ELP4: variants seen among roughly 807,000 people sequenced by gnomAD.
The protein encoded by ELP4 is elongator acetyltransferase complex subunit 4, also known as elongator complex protein 4.
ELP4 carries 51 observed loss-of-function variants against 48.9 expected under a neutral mutation model. The ratio of observed to expected loss-of-function variants is 1.04; its 90% CI spans 0.83 to 1.32. ELP4 has a LOEUF of 1.32. ELP4 is among the 40% of genes most tolerant of loss of function. The pLI is 0.00. For synonymous variants in ELP4, 210 were observed against 189.2 expected (o/e 1.11, Z -0.90); for missense variants, 519 against 514.6 (o/e 1.01, Z -0.08).
chr11:31,597,216 A>G (rs1226508053), intron 4 of ELP4, among the ~76,000 whole-genome samples: 1 of 152,222 alleles, frequency 6.6e-6, no homozygotes, highest in Non-Finnish European at 1.5e-5. Context: ...TAACAGCAAG[A>G]GATTGAAAAT....
intron 5 of ELP4, among the ~76,000 whole-genome samples, chr11:31,608,996 G>A (rs982955827): frequency 1.5e-5 from 2 of 129,424 alleles, no homozygotes; most frequent in African/African-American, 2.5e-5. Flanking sequence ...TAGGGTGAGC[G>A]ATTTTTCACT....
intron 5 of ELP4, among the ~76,000 whole-genome samples, chr11:31,605,532 A>G (rs1647744453): frequency 6.6e-6 from 1 of 152,124 alleles, no homozygotes; most frequent in Non-Finnish European, 1.5e-5. Flanking sequence ...ATAATGCCAT[A>G]CTGTCTCCAT....
At chr11:31,681,431 C>A (rs1298893033) in intron 9 of ELP4, among the ~76,000 whole-genome samples, 3 of 151,990 alleles carry the variant, frequency 2.0e-5, no homozygotes, top group Non-Finnish European at 4.4e-5. Context: ...ATGTGTAAAG[C>A]AAATAAATAA....
chr11:31,754,812 C>T (rs1408439094), intron 9 of ELP4, among the ~76,000 whole-genome samples: 1 of 152,162 alleles, frequency 6.6e-6, no homozygotes, highest in Non-Finnish European at 1.5e-5. Context: ...GCGGAGGTTG[C>T]AGTGAGCCAA....
At chr11:31,772,280 A>T (rs1025254230) in intron 9 of ELP4, among the ~76,000 whole-genome samples, 1 of 151,994 alleles carries the variant, frequency 6.6e-6, no homozygotes, top group African/African-American at 2.4e-5. Context: ...GGCATGCACC[A>T]TGATGCCCGG....
intron 1 of ELP4, chr11:31,510,726 C>T: frequency 9.5e-6 from 2 of 209,462 alleles, no homozygotes; most frequent in Non-Finnish European, 1.9e-5. Flanking sequence ...AAGTCTAGTT[C>T]TTAGGCTTTC....
At chr11:31,633,789 G>C (rs1053673382) in intron 7 of ELP4, 3 of 151,966 alleles carry the variant, frequency 2.0e-5, no homozygotes, top group Non-Finnish European at 4.4e-5. Flanking sequence ...CTACTGTGCT[G>C]TTACTACAAC....
At chr11:31,736,861 T>C (rs2134211360) in intron 9 of ELP4, among the ~76,000 whole-genome samples, 1 of 152,356 alleles carries the variant, frequency 6.6e-6, no homozygotes, top group East Asian at 1.9e-4. Context: ...ACTTTTACAC[T>C]GTTGGTGGGA....
chr11:31,598,346 G>T (rs561630371), intron 4 of ELP4, among the ~76,000 whole-genome samples: 1 of 151,788 alleles, frequency 6.6e-6, no homozygotes, highest in African/African-American at 2.4e-5. Flanking sequence ...TTATAAATTC[G>T]AATCATAGAT....
chr11:31,590,733 T>G (rs539734931), intron 3 of ELP4, among the ~76,000 whole-genome samples: 8 of 152,124 alleles, frequency 5.3e-5, no homozygotes, highest in Non-Finnish European at 1.0e-4. Context: ...AGAACAGGCA[T>G]CTCACATGGG....
At chr11:31,631,386 A>G (rs559933177) in intron 6 of ELP4, among the ~76,000 whole-genome samples, 2 of 152,274 alleles carry the variant, frequency 1.3e-5, no homozygotes, top group Admixed American at 6.5e-5. Flanking sequence ...TGAATTTTCA[A>G]TTATTTGCAC....
At chr11:31,609,876 A>G (rs1298249158) in intron 5 of ELP4, among the ~76,000 whole-genome samples, 1 of 152,032 alleles carries the variant, frequency 6.6e-6, no homozygotes, top group Non-Finnish European at 1.5e-5. Context: ...TCTCTACAAA[A>G]ACAAACAAAC....
chr11:31,733,378 G>T (rs1161737605), intron 9 of ELP4, among the ~76,000 whole-genome samples: 2 of 150,426 alleles, frequency 1.3e-5, no homozygotes. Flanking sequence ...TCCAGAGGCT[G>T]AGGCAGGAGA....
In ELP4 at chr11:31,785,917, A is replaced by G. The variant is rs1042933567; in HGVS notation, c.*2393A>G. On this transcript the variant is annotated 3_prime_UTR_variant, in exon 10 of 10. Transcript: ENST00000640961. Reference sequence around the variant, plus strand: ...ACTTAAGAACAATGCCAAACGTAATATCTGAAATGATATCTTTTAAGTGTT... The same window carrying G: ...ACTTAAGAACAATGCCAAACGTAATGTCTGAAATGATATCTTTTAAGTGTT... 3 of 195,872 alleles carry G rather than the reference A, an allele frequency of 1.5e-5. No individual in the cohort carries two copies. Among genetic ancestry groups the G allele is most frequent in the African/African-American group, 6.9e-5 (3 of 43,260 alleles). 12.1% of individuals were successfully genotyped at this position (195,872 alleles called of 1,614,324 possible). A position where few individuals can be genotyped will look rare whatever the true frequency, so the allele number is the denominator to read the frequency against.
chr11:31,752,459 A>G (rs1472303182), intron 9 of ELP4, among the ~76,000 whole-genome samples: 1 of 152,028 alleles, frequency 6.6e-6, no homozygotes, highest in African/African-American at 2.4e-5. Flanking sequence ...AAGAATGTCC[A>G]CTCTCTCAGG....
At chr11:31,516,865 T>C (rs533101237) in intron 1 of ELP4, among the ~76,000 whole-genome samples, 1 of 152,330 alleles carries the variant, frequency 6.6e-6, no homozygotes, top group South Asian at 2.1e-4. Context: ...ATAAAAGTTA[T>C]CCTATGTAGT....
intron 9 of ELP4, among the ~76,000 whole-genome samples, chr11:31,747,038 T>C (rs1402062505): frequency 2.7e-5 from 2 of 75,240 alleles, no homozygotes; most frequent in Non-Finnish European, 5.2e-5. Context: ...TAACACTGTG[T>C]GTGTGTGTGT....
chr11:31,676,383 C>G (rs1484244253), intron 9 of ELP4, among the ~76,000 whole-genome samples: 1 of 152,164 alleles, frequency 6.6e-6, no homozygotes, highest in Non-Finnish European at 1.5e-5. Flanking sequence ...TCCCATAGCA[C>G]TCACCACCTT....
chr11:31,666,643 G>GCTC (rs1945685462), intron 9 of ELP4, among the ~76,000 whole-genome samples: 1 of 146,576 alleles, frequency 6.8e-6, no homozygotes, highest in Non-Finnish European at 1.5e-5. Flanking sequence ...AGTGAGCCGA[G>GCTC]ATTGCGCCAC....
Sources: gnomAD v4.1 joint callset for allele counts (sites outside exome capture counted in the v4.1 genomes callset) on GRCh38, gnomAD v4.1.1 for gene constraint, MANE v1.5 for transcripts, NCBI Gene and HGNC (gene_info 2026-07-23, HGNC 2026-07-21) for gene names.